ABCD3: variants seen among roughly 807,000 people sequenced by gnomAD.
The protein encoded by ABCD3 is ATP binding cassette subfamily D member 3.
In ABCD3, 41 loss-of-function variants were observed where a neutral mutation model predicts 105.5. The ratio of observed to expected loss-of-function variants is 0.39; its 90% CI spans 0.30 to 0.50. The LOEUF (loss-of-function observed/expected upper bound fraction) is 0.50. Ranked by LOEUF, ABCD3 falls within the 20% of genes least tolerant of loss-of-function variation. The pLI, the probability that ABCD3 is intolerant of heterozygous loss-of-function variation, is 0.84. For synonymous variants in ABCD3, 258 were observed against 269.0 expected, an observed-to-expected ratio of 0.96 and a Z score of 0.40; for missense variants, 622 against 806.3, an observed-to-expected ratio of 0.77 and a Z score of 2.77.
chr1:94,402,825 T>C, the ABCD3 span, among the ~76,000 whole-genome samples: 2 of 152,124 alleles, frequency 1.3e-5, no homozygotes, highest in African/African-American at 4.8e-5. Context: ...TACTATACTT[T>C]AAGTTTTAGG....
At chr1:94,473,910 AT>A in intron 5 of ABCD3, 75 bp downstream of exon 5, 1 of 1,188,880 alleles carries the variant, frequency 8.4e-7, no homozygotes, top group Non-Finnish European at 1.2e-6. Flanking sequence ...GGTTTTACTT[AT>A]TAAATTCTTT....
upstream of ABCD3, among the ~76,000 whole-genome samples, chr1:94,414,837 A>G (rs1222701396): frequency 6.6e-6 from 1 of 152,036 alleles, no homozygotes; most frequent in Non-Finnish European, 1.5e-5. Flanking sequence ...ATAATAAATT[A>G]CCCCCAAATT....
intron 1 of ABCD3, among the ~76,000 whole-genome samples, chr1:94,435,359 A>T (rs1020371315): frequency 6.6e-6 from 1 of 152,074 alleles, no homozygotes; most frequent in Non-Finnish European, 1.5e-5. Flanking sequence ...GGGCAACGTA[A>T]TGAGACCCTG....
intron 1 of ABCD3, among the ~76,000 whole-genome samples, chr1:94,438,729 T>A (rs761496014): frequency 1.4e-4 from 22 of 152,210 alleles, no homozygotes; most frequent in Non-Finnish European, 2.9e-4. Context: ...AGCAAAAGGA[T>A]GAACATTTTT....
chr1:94,441,508 C>G (rs372899550), intron 1 of ABCD3, among the ~76,000 whole-genome samples: 4 of 152,142 alleles, frequency 2.6e-5, no homozygotes, highest in African/African-American at 9.7e-5. Context: ...GAGGATACAG[C>G]TCTGAAAGTG....
upstream of ABCD3, among the ~76,000 whole-genome samples, chr1:94,418,245 C>T (rs1659097774): frequency 6.6e-6 from 1 of 152,222 alleles, no homozygotes; most frequent in African/African-American, 2.4e-5. Context: ...GCGCAGAGCG[C>T]GTCCCGGGAA....
chr1:94,505,738 G>A (rs1650321614), intron 20 of ABCD3, among the ~76,000 whole-genome samples: 1 of 152,126 alleles, frequency 6.6e-6, no homozygotes, highest in Non-Finnish European at 1.5e-5. Context: ...ATCCTCAGAA[G>A]TAGGAGGAAA....
chr1:94,506,791 TG>T (rs1650376393), intron 21 of ABCD3, 149 bp downstream of exon 21: 1 of 601,174 alleles, frequency 1.7e-6, no homozygotes, highest in Non-Finnish European at 3.0e-6. Context: ...TTAAAACATA[TG>T]AATAAAAGAA....
At chr1:94,402,526 A>G in the ABCD3 span, among the ~76,000 whole-genome samples, 7 of 152,294 alleles carry the variant, frequency 4.6e-5, no homozygotes, top group Non-Finnish European at 8.8e-5. Context: ...ATGTTCTGTA[A>G]TATAATCACA....
In ABCD3 at chr1:94,487,522, T is replaced by C; in HGVS notation, c.898-20T>C. 6.2e-7 allele frequency: 1 copy of C among 1,611,066 alleles called. No individual in the cohort carries two copies. Among genetic ancestry groups the C allele is most frequent in the Non-Finnish European group, 8.5e-7 (1 of 1,178,438 alleles). On this transcript the variant is annotated intron_variant, in intron 10 of 22. Transcript: ENST00000370214. ...TTTATACAGAGAAAAAGATGGTTTT[T>C]TGTTTTTGTTTTCTGCCAGGTGGAA...
At chr1:94,427,225 T>C (rs1235949442) in intron 1 of ABCD3, among the ~76,000 whole-genome samples, 2 of 152,006 alleles carry the variant, frequency 1.3e-5, no homozygotes, top group African/African-American at 4.8e-5. Context: ...TGGGGAAGGG[T>C]CTTTCTTTCC....
the ABCD3 span, among the ~76,000 whole-genome samples, chr1:94,408,706 A>T: frequency 6.6e-6 from 1 of 152,312 alleles, no homozygotes; most frequent in African/African-American, 2.4e-5. Flanking sequence ...CTAGGACCAC[A>T]CTAAGAAAAG....
chr1:94,414,643 C>G (rs1570719744), upstream of ABCD3, among the ~76,000 whole-genome samples: 1 of 152,168 alleles, frequency 6.6e-6, no homozygotes, highest in Admixed American at 6.5e-5. Context: ...TTCAGACCCT[C>G]CACAAATTGA....
intron 4 of ABCD3, among the ~76,000 whole-genome samples, chr1:94,468,863 TC>T (rs1648296909): frequency 7.1e-6 from 1 of 140,708 alleles, no homozygotes; most frequent in Non-Finnish European, 1.5e-5. Flanking sequence ...GACTCATTTC[TC>T]TAGGACAGTA....
At chr1:94,438,579 T>C (rs1201970151) in intron 1 of ABCD3, among the ~76,000 whole-genome samples, 2 of 152,116 alleles carry the variant, frequency 1.3e-5, no homozygotes, top group African/African-American at 4.8e-5. Context: ...AGAGAACTCT[T>C]TTTGTGAAAG....
intron 1 of ABCD3, among the ~76,000 whole-genome samples, chr1:94,454,766 C>T (rs1271333798): frequency 6.6e-6 from 1 of 152,184 alleles, no homozygotes; most frequent in East Asian, 1.9e-4. Flanking sequence ...ATTCTTCTGC[C>T]TCAGCCTCCC....
chr1:94,515,646 A>T (rs1650881158), intron 22 of ABCD3, among the ~76,000 whole-genome samples: 1 of 151,998 alleles, frequency 6.6e-6, no homozygotes, highest in African/African-American at 2.4e-5. Flanking sequence ...GATTCATTAG[A>T]TAGTCACTAT....
At chr1:94,406,835 G>A in the ABCD3 span, 1 of 161,754 alleles carries the variant, frequency 6.2e-6, no homozygotes, top group Admixed American at 5.8e-5. Context: ...TAAAAAGCCT[G>A]GAGAACATGT....
intron 20 of ABCD3, among the ~76,000 whole-genome samples, chr1:94,501,082 G>T (rs886626780): frequency 1.3e-5 from 2 of 152,044 alleles, no homozygotes; most frequent in African/African-American, 2.4e-5. Flanking sequence ...AACAGTGTGT[G>T]TGTGGTATAA....
Sources: allele counts gnomAD v4.1 joint callset (sites outside exome capture counted in the v4.1 genomes callset), GRCh38; gene constraint gnomAD v4.1.1; transcripts MANE v1.5; gene names NCBI Gene and HGNC (gene_info 2026-07-23, HGNC 2026-07-21).